Variants in GOLT1A observed in about 807,000 individuals in gnomAD.
GOLT1A encodes the protein golgi transport 1A.
GOLT1A carries 10 observed loss-of-function variants against 16.1 expected under a neutral mutation model. The observed-to-expected ratio is 0.62, with a 90% CI of 0.38 to 1.05. The LOEUF (loss-of-function observed/expected upper bound fraction) is 1.05. Among genes scored for constraint, GOLT1A ranks in the 50% least tolerant of loss-of-function variants. The pLI is 0.01. For synonymous variants in GOLT1A, 60 were observed against 67.9 expected (o/e 0.88, Z 0.57); for missense variants, 137 against 165.7 (o/e 0.83, Z 0.95).
At chr1:204,204,688 G>A (rs1267798988) in intron 1 of GOLT1A, among the ~76,000 whole-genome samples, 1 of 152,178 alleles carries the variant, frequency 6.6e-6, no homozygotes, top group South Asian at 2.1e-4. Context: ...TGGAATTAAC[G>A]GAATTATACT....
At chr1:204,208,302 A>T (rs150977968) in intron 1 of GOLT1A, among the ~76,000 whole-genome samples, 13 of 150,864 alleles carry the variant, frequency 8.6e-5, no homozygotes, top group African/African-American at 3.2e-4. Context: ...TGTGATGTGT[A>T]TATATATACA....
intron 1 of GOLT1A, among the ~76,000 whole-genome samples, chr1:204,208,489 T>G (rs1659087637): frequency 1.1e-5 from 1 of 87,318 alleles, no homozygotes; most frequent in African/African-American, 3.7e-5. Context: ...TATATATATA[T>G]ATATATATAT....
chr1:204,205,734 G>GA (rs1232949735), intron 1 of GOLT1A, among the ~76,000 whole-genome samples: 1 of 152,062 alleles, frequency 6.6e-6, no homozygotes, highest in African/African-American at 2.4e-5. Flanking sequence ...TTCCAATACA[G>GA]AAAAAAGGTC....
At chr1:204,203,038 G>T in intron 1 of GOLT1A, 51 bp from the exon 2 acceptor site, 2 of 1,491,774 alleles carry the variant, frequency 1.3e-6, no homozygotes, top group East Asian at 2.3e-5. Context: ...GAGCAGGTGG[G>T]GACCCTGAAA....
At chr1:204,213,831 G>A (rs772645702) in intron 1 of GOLT1A, 51 bp downstream of exon 1, 42 of 1,598,714 alleles carry the variant, frequency 2.6e-5, no homozygotes, top group African/African-American at 4.0e-5. Flanking sequence ...GAGCCAGCCG[G>A]CAGGGAGCCT....
At chr1:204,210,747 C>T (rs1345021060) in intron 1 of GOLT1A, among the ~76,000 whole-genome samples, 1 of 152,164 alleles carries the variant, frequency 6.6e-6, no homozygotes, top group African/African-American at 2.4e-5. Flanking sequence ...TCAAACCTCC[C>T]TTGTATGCTG....
intron 1 of GOLT1A, 94 bp downstream of exon 1, chr1:204,213,788 G>T: frequency 7.0e-7 from 1 of 1,425,606 alleles, no homozygotes; most frequent in Non-Finnish European, 9.7e-7. Flanking sequence ...CAGAGGTCAC[G>T]CTTGTAGTGA....
chr1:204,204,456 T>C (rs1329365220), intron 1 of GOLT1A, among the ~76,000 whole-genome samples: 1 of 152,234 alleles, frequency 6.6e-6, no homozygotes, highest in African/African-American at 2.4e-5. Context: ...GGTTCCTTCA[T>C]GTTGTAGCAT....
chr1:204,205,096 C>G (rs969887736), intron 1 of GOLT1A, among the ~76,000 whole-genome samples: 47 of 152,160 alleles, frequency 3.1e-4, no homozygotes, highest in African/African-American at 1.1e-3. Context: ...AATATTTCCT[C>G]CCACTCTGTA....
chr1:204,213,086 C>G (rs1659164539), intron 1 of GOLT1A, among the ~76,000 whole-genome samples: 1 of 152,202 alleles, frequency 6.6e-6, no homozygotes, highest in African/African-American at 2.4e-5. Context: ...AGCGACCCCT[C>G]CTACCTCGAA....
At chr1:204,207,338 G>A (rs866507119) in intron 1 of GOLT1A, among the ~76,000 whole-genome samples, 3 of 152,230 alleles carry the variant, frequency 2.0e-5, no homozygotes, top group Admixed American at 6.5e-5. Context: ...ACTTCAGGGA[G>A]GCCCGGCTCT....
intron 1 of GOLT1A, among the ~76,000 whole-genome samples, chr1:204,205,020 TTTG>T (rs1393808881): frequency 1.3e-5 from 2 of 152,224 alleles, no homozygotes; most frequent in East Asian, 1.9e-4. Flanking sequence ...GGTTGTTCTT[TTTG>T]TTGTTGAGTT....
rs1658899560 is a variant in GOLT1A at position 204,198,515 on chromosome 1, A to T, written c.361-19T>A. On this transcript the variant is annotated intron_variant, in intron 4 of 4. Transcript: ENST00000308302. ...GGAACAGCTGTGGGAGCCAAGAATC[A>T]TTACTCCACACAAAGGGTAGAGAGC... The T allele has an allele frequency of 6.2e-7, 1 of 1,611,462 alleles. No homozygotes were observed. Among genetic ancestry groups the T allele is most frequent in the East Asian group, 2.2e-5 (1 of 44,850 alleles).
chr1:204,201,512 G>A, intron 3 of GOLT1A, 121 bp downstream of exon 3: 2 of 992,982 alleles, frequency 2.0e-6, no homozygotes, highest in Non-Finnish European at 3.0e-6. Flanking sequence ...CCTTTCCAAG[G>A]TGTCCATGGT....
chr1:204,203,400 C>T (rs1658992464), intron 1 of GOLT1A, among the ~76,000 whole-genome samples: 1 of 152,158 alleles, frequency 6.6e-6, no homozygotes, highest in Non-Finnish European at 1.5e-5. Context: ...GCCCACACTG[C>T]GCAGAAGGGA....
At chr1:204,212,174 T>C (rs1299864220) in intron 1 of GOLT1A, among the ~76,000 whole-genome samples, 2 of 152,082 alleles carry the variant, frequency 1.3e-5, no homozygotes, top group Non-Finnish European at 2.9e-5. Context: ...ACCCTTCCCA[T>C]TGCACAGGCT....
rs1335596389 is a variant in GOLT1A, at chr1:204,201,749, G to C, written c.180C>G (p.Phe60Leu). 1.2e-6 allele frequency: 2 copies of C among 1,614,058 alleles called. No individual in the cohort carries two copies. The highest frequency in any genetic ancestry group is 1.7e-6 in the Non-Finnish European group (2 of 1,180,042). ...TGGTTCCCTTGAGTTTGTGCCGTTG[G>C]AAGAAGAACCAAAAGGTCTTCCTCA... ...IGLRKTFWFF[F>L]QRHKLKGTSF... Residue 60 changes from phenylalanine to leucine, a missense_variant, in exon 3 of 5, where the codon TTC (phenylalanine) becomes TTG (leucine). Physicochemically the swap from Phe to Leu is conservative, Grantham distance 22. Coordinates refer to ENST00000308302, the MANE Select transcript of GOLT1A (RefSeq NM_198447.2).
intron 1 of GOLT1A, among the ~76,000 whole-genome samples, chr1:204,203,225 G>A (rs1417693639): frequency 6.6e-6 from 1 of 152,168 alleles, no homozygotes; most frequent in Non-Finnish European, 1.5e-5. Flanking sequence ...GTGGCATGCT[G>A]TCCTCACTGC....
chr1:204,209,983 G>A (rs992070620), intron 1 of GOLT1A, among the ~76,000 whole-genome samples: 6 of 152,092 alleles, frequency 3.9e-5, no homozygotes, highest in Admixed American at 2.0e-4. Context: ...GCTTGAACCC[G>A]GGAGGCAGAG....
Sources: allele counts gnomAD v4.1 joint callset (sites outside exome capture counted in the v4.1 genomes callset), GRCh38; gene constraint gnomAD v4.1.1; transcripts MANE v1.5; gene names NCBI Gene and HGNC (gene_info 2026-07-23, HGNC 2026-07-21).